GRIP1: variants seen among roughly 807,000 people sequenced by gnomAD.
GRIP1 encodes glutamate receptor-interacting protein 1.
Under a neutral mutation model 129.9 loss-of-function variants are expected in GRIP1, and 45 were observed. That is an observed-to-expected ratio of 0.35 (90% CI 0.27 to 0.44). The LOEUF is 0.44. Ranked by LOEUF, GRIP1 falls within the 20% of genes least tolerant of loss-of-function variation. The pLI, the probability that GRIP1 is intolerant of heterozygous loss-of-function variation, is 1.00. For synonymous variants in GRIP1, 530 were observed against 520.8 expected (o/e 1.02, Z -0.24); for missense variants, 1,196 against 1,396.8 (o/e 0.86, Z 2.29).
chr12:66,490,906 T>C (rs911784581), intron 7 of GRIP1, among the ~76,000 whole-genome samples: 1 of 152,028 alleles, frequency 6.6e-6, no homozygotes, highest in South Asian at 2.1e-4. Context: ...AAAACAACAA[T>C]GAGATACCAT....
intron 9 of GRIP1, among the ~76,000 whole-genome samples, chr12:66,460,696 C>A (rs1374245705): frequency 6.6e-6 from 1 of 152,200 alleles, no homozygotes; most frequent in Non-Finnish European, 1.5e-5. Flanking sequence ...ACTGCTAACA[C>A]AATCTGGAAA....
chr12:66,613,003 T>G (rs916269756), intron 1 of GRIP1, among the ~76,000 whole-genome samples: 11 of 152,180 alleles, frequency 7.2e-5, no homozygotes, highest in African/African-American at 2.4e-4. Flanking sequence ...ATGATTTGAA[T>G]TAATTAGAGC....
At chr12:66,665,575 G>A (rs2033750252) in intron 1 of GRIP1, among the ~76,000 whole-genome samples, 1 of 152,128 alleles carries the variant, frequency 6.6e-6, no homozygotes. Flanking sequence ...TAGCTTCTTT[G>A]ACTCAACATT....
intron 4 of GRIP1, among the ~76,000 whole-genome samples, chr12:66,531,632 CAG>C (rs2061466352): frequency 3.9e-5 from 6 of 152,168 alleles, no homozygotes; most frequent in Admixed American, 1.3e-4. Flanking sequence ...TTCTTGCTAT[CAG>C]GGGAATTTCA....
intron 1 of GRIP1, among the ~76,000 whole-genome samples, chr12:67,037,113 C>A (rs1244062768): frequency 1.3e-5 from 2 of 151,880 alleles, no homozygotes; most frequent in Non-Finnish European, 2.9e-5. Context: ...GGGTGGATCA[C>A]GAGGTCAGAT....
At chr12:66,537,157 TG>T (rs1385519370) in intron 4 of GRIP1, among the ~76,000 whole-genome samples, 1 of 152,212 alleles carries the variant, frequency 6.6e-6, no homozygotes, top group African/African-American at 2.4e-5. Flanking sequence ...CTATTCTAAA[TG>T]TTTTCCAAAT....
chr12:66,799,490 G>A (rs868070819), intron 1 of GRIP1, among the ~76,000 whole-genome samples: 2 of 152,024 alleles, frequency 1.3e-5, no homozygotes, highest in Middle Eastern at 3.2e-3. Flanking sequence ...AGAAATAAAT[G>A]GCTTCTATGC....
At chr12:66,476,250 A>G (rs111247114) in intron 7 of GRIP1, among the ~76,000 whole-genome samples, 5,607 of 152,310 alleles carry the variant, frequency 0.037, 322 homozygotes, top group African/African-American at 0.12. Flanking sequence ...CTATGCAAAT[A>G]AACTAGAAAA....
intron 1 of GRIP1, among the ~76,000 whole-genome samples, chr12:66,715,576 C>T (rs2035863965): frequency 6.6e-6 from 1 of 151,306 alleles, no homozygotes; most frequent in Non-Finnish European, 1.5e-5. Flanking sequence ...ATCTTTGTTG[C>T]CCCTGTACCA....
intron 1 of GRIP1, among the ~76,000 whole-genome samples, chr12:66,716,526 A>G (rs1181793117): frequency 2.0e-5 from 3 of 151,308 alleles, no homozygotes; most frequent in South Asian, 2.1e-4. Flanking sequence ...TTGAAAAAAA[A>G]ATTTTTAAAT....
chr12:66,370,687 C>CA (rs758620377), intron 23 of GRIP1, among the ~76,000 whole-genome samples: 1 of 152,084 alleles, frequency 6.6e-6, no homozygotes, highest in Admixed American at 6.5e-5. Context: ...TTTATATTAA[C>CA]AAAAAATAAA....
chr12:66,749,075 A>C (rs1319561902), intron 1 of GRIP1, among the ~76,000 whole-genome samples: 2 of 152,194 alleles, frequency 1.3e-5, no homozygotes, highest in East Asian at 3.9e-4. Flanking sequence ...AGTTGCCCGC[A>C]AGTATCCATT....
At chr12:66,471,343 G>T (rs1222048369) in intron 7 of GRIP1, among the ~76,000 whole-genome samples, 1 of 152,128 alleles carries the variant, frequency 6.6e-6, no homozygotes, top group African/African-American at 2.4e-5. Context: ...AAATCCATAG[G>T]TACAGAAAGT....
At chr12:66,539,375 G>A in intron 3 of GRIP1, 152 bp from the exon 4 acceptor site, 1 of 896,434 alleles carries the variant, frequency 1.1e-6, no homozygotes, top group Non-Finnish European at 1.8e-6. Flanking sequence ...GAGACGGTGG[G>A]CCCTTAAGGG....
At chr12:67,022,527 G>C (rs1481244836) in intron 1 of GRIP1, among the ~76,000 whole-genome samples, 1 of 152,058 alleles carries the variant, frequency 6.6e-6, no homozygotes, top group African/African-American at 2.4e-5. Flanking sequence ...TTTCCACAGT[G>C]CTTGTACCAT....
At chr12:66,466,506 A>T (rs1169459272) in intron 7 of GRIP1, among the ~76,000 whole-genome samples, 2 of 152,208 alleles carry the variant, frequency 1.3e-5, no homozygotes, top group African/African-American at 4.8e-5. Context: ...ATCTGGATTC[A>T]ATTCTCATTT....
At chr12:66,991,683 G>A (rs1022902247) in intron 1 of GRIP1, among the ~76,000 whole-genome samples, 2 of 152,146 alleles carry the variant, frequency 1.3e-5, no homozygotes, top group Non-Finnish European at 2.9e-5. Flanking sequence ...TAATAACAGT[G>A]TTGAAATAGA....
intron 1 of GRIP1, among the ~76,000 whole-genome samples, chr12:66,963,365 G>C (rs2041950953): frequency 6.6e-6 from 1 of 152,044 alleles, no homozygotes; most frequent in South Asian, 2.1e-4. Flanking sequence ...AATTAAAAAT[G>C]AGTGAACAAT....
exon 1 of GRIP1, chr12:67,069,114 G>A: frequency 1.0e-6 from 1 of 984,912 alleles, no homozygotes; most frequent in Non-Finnish European, 1.2e-6. Context: ...GCATGGTGTC[G>A]CTCCCTGCGC....
Sources: gnomAD v4.1 joint callset for allele counts (sites outside exome capture counted in the v4.1 genomes callset) on GRCh38, gnomAD v4.1.1 for gene constraint, MANE v1.5 for transcripts, NCBI Gene and HGNC (gene_info 2026-07-23, HGNC 2026-07-21) for gene names.